The following DRC11L variants were observed in gnomAD, a reference collection of about 807,000 sequenced individuals.
The protein encoded by DRC11L is dynein regulatory complex subunit 11 like.
At chr7:151,191,594 C>T in the DRC11L span, 3 of 398,978 alleles carry the variant, frequency 7.5e-6, no homozygotes, top group African/African-American at 2.1e-5. Flanking sequence ...GGCTGACTCC[C>T]CAAGGGCGCT....
the DRC11L span, among the ~76,000 whole-genome samples, chr7:151,200,983 C>T: frequency 6.6e-6 from 1 of 152,046 alleles, no homozygotes; most frequent in East Asian, 1.9e-4. Flanking sequence ...AAGACCCCAT[C>T]TGTGCAGAGC....
At chr7:151,193,091 T>C in the DRC11L span, 1 of 397,548 alleles carries the variant, frequency 2.5e-6, no homozygotes, top group Admixed American at 4.4e-5. Flanking sequence ...CTGCTCTGTG[T>C]CCTCCCTTTT....
chr7:151,196,654 C>G, the DRC11L span: 195 of 398,964 alleles, frequency 4.9e-4, no homozygotes, highest in African/African-American at 3.4e-3. Context: ...TACGTGCACA[C>G]AGACACATGT....
the DRC11L span, chr7:151,191,528 A>T: frequency 2.5e-6 from 1 of 397,526 alleles, no homozygotes; most frequent in Non-Finnish European, 4.4e-6. Context: ...ATTTCCACTG[A>T]TTGTCTTCTG....
At chr7:151,196,319 T>A in the DRC11L span, 1 of 396,586 alleles carries the variant, frequency 2.5e-6, no homozygotes. Flanking sequence ...GGGACTGGGG[T>A]TGGGTGTTCA....
At chr7:151,204,573 A>C in the DRC11L span, 2 of 398,920 alleles carry the variant, frequency 5.0e-6, no homozygotes, top group African/African-American at 4.1e-5. Context: ...GTCGGCGCGC[A>C]CCAGCTCGTC....
the DRC11L span, chr7:151,195,314 A>C: frequency 2.5e-6 from 1 of 398,112 alleles, no homozygotes; most frequent in East Asian, 3.6e-5. Context: ...CAGAGAGGGA[A>C]AGCGACTTTC....
chr7:151,201,497 AC>A, the DRC11L span, among the ~76,000 whole-genome samples: 21 of 152,336 alleles, frequency 1.4e-4, no homozygotes, highest in African/African-American at 5.1e-4. This position sits in a 1 kb window ranked among gnomAD's most constrained non-coding sequence, Gnocchi z 4.1. Context: ...AGACATTGAC[AC>A]AGTCATCCTG....
chr7:151,205,160 T>A, the DRC11L span, among the ~76,000 whole-genome samples: 12 of 152,034 alleles, frequency 7.9e-5, no homozygotes, highest in East Asian at 7.8e-4. Context: ...AGTGGGGCCC[T>A]CCAGGTGTGG....
At chr7:151,198,147 T>G in the DRC11L span, among the ~76,000 whole-genome samples, 3 of 133,088 alleles carry the variant, frequency 2.3e-5, no homozygotes, top group Admixed American at 7.8e-5. Flanking sequence ...GACAGAGAGG[T>G]GGGTAGAAGG....
chr7:151,195,916 A>C, the DRC11L span: 11 of 317,466 alleles, frequency 3.5e-5, no homozygotes, highest in East Asian at 4.9e-5. Flanking sequence ...AGCCTTCAAC[A>C]TGCGGAGAAG....
the DRC11L span, chr7:151,194,181 C>A: frequency 2.5e-6 from 1 of 396,882 alleles, no homozygotes; most frequent in Non-Finnish European, 4.4e-6. Context: ...CCTCAGCCAC[C>A]CTACCCTGAC....
the DRC11L span, chr7:151,192,848 A>G: frequency 2.0e-4 from 78 of 398,924 alleles, no homozygotes; most frequent in Non-Finnish European, 2.9e-4. Context: ...GTCAGAATGT[A>G]GAAATCAGAT....
the DRC11L span, among the ~76,000 whole-genome samples, chr7:151,203,964 G>A: frequency 1.3e-5 from 2 of 152,188 alleles, no homozygotes; most frequent in East Asian, 1.9e-4. Flanking sequence ...TGGAGGCGCC[G>A]CAGAAGCTCT....
At chr7:151,204,543 A>G in the DRC11L span, 5 of 398,744 alleles carry the variant, frequency 1.3e-5, no homozygotes, top group Non-Finnish European at 1.8e-5. Flanking sequence ...CACGCGGTCC[A>G]GGCAGTGGTT....
At chr7:151,200,120 C>T in the DRC11L span, among the ~76,000 whole-genome samples, 1 of 152,202 alleles carries the variant, frequency 6.6e-6, no homozygotes. Flanking sequence ...ACATGGGGTC[C>T]AGGATGCTCT....
At chr7:151,191,359 G>A in the DRC11L span, among the ~76,000 whole-genome samples, 2 of 152,050 alleles carry the variant, frequency 1.3e-5, no homozygotes, top group African/African-American at 4.8e-5. Context: ...TCGGGGGTGG[G>A]AAAGGTGGGT....
the DRC11L span, chr7:151,192,289 G>A: frequency 3.3e-5 from 13 of 398,992 alleles, no homozygotes; most frequent in Admixed American, 4.4e-5. Context: ...AGCGGGATGC[G>A]TAGTCAGGCC....
At chr7:151,199,303 G>GC in the DRC11L span, among the ~76,000 whole-genome samples, 1 of 151,238 alleles carries the variant, frequency 6.6e-6, no homozygotes, top group Non-Finnish European at 1.5e-5. The surrounding 1 kb of genome is among the most constrained non-coding windows in gnomAD (Gnocchi z 5.2). Flanking sequence ...TCCGGCCCCA[G>GC]CCCCCGCCTG....
Sources: allele counts gnomAD v4.1 joint callset (sites outside exome capture counted in the v4.1 genomes callset), GRCh38; gene constraint gnomAD v4.1.1; non-coding constraint Gnocchi (gnomAD v3.1); transcripts MANE v1.5; gene names NCBI Gene and HGNC (gene_info 2026-07-23, HGNC 2026-07-21).